ZNF536: variants seen among roughly 807,000 people sequenced by gnomAD.
ZNF536 encodes zinc finger protein 536.
ZNF536 carries 13 observed loss-of-function variants against 84.5 expected under a neutral mutation model. The observed-to-expected ratio is 0.15, with a 90% CI of 0.10 to 0.24. The LOEUF is 0.24. Among genes scored for constraint, ZNF536 ranks in the 10% least tolerant of loss-of-function variants. The pLI is 1.00. For missense variants in ZNF536, 1,536 were observed against 1,747.5 expected, an observed-to-expected ratio of 0.88 and a Z score of 2.16; for synonymous variants, 811 against 742.5, an observed-to-expected ratio of 1.09 and a Z score of -1.50.
chr19:30,286,458 G>A (rs2045629798), intron 2 of ZNF536, among the ~76,000 whole-genome samples: 1 of 151,960 alleles, frequency 6.6e-6, no homozygotes, highest in Non-Finnish European at 1.5e-5. Flanking sequence ...TAGAGGGTGG[G>A]GGAGCAAGGA....
intron 1 of ZNF536, among the ~76,000 whole-genome samples, chr19:30,645,183 T>C (rs970006796): frequency 1.3e-5 from 2 of 152,240 alleles, no homozygotes; most frequent in African/African-American, 4.8e-5. Flanking sequence ...GAAATGTCTG[T>C]TCATATCCTT....
upstream of ZNF536, among the ~76,000 whole-genome samples, chr19:30,226,244 G>C (rs778937855): frequency 1.3e-3 from 193 of 152,218 alleles, 1 homozygote; most frequent in Non-Finnish European, 5.4e-4. This position sits in a 1 kb window ranked among gnomAD's most constrained non-coding sequence, Gnocchi z 4.6. Flanking sequence ...AAAAGGGGAG[G>C]GGGTAGGCTG....
chr19:30,366,081 A>C (rs1341828007), intron 3 of ZNF536, among the ~76,000 whole-genome samples: 1 of 152,126 alleles, frequency 6.6e-6, no homozygotes, highest in East Asian at 1.9e-4. Context: ...CGAACCCCTG[A>C]GGAAGCCCCA....
At chr19:30,520,207 T>A (rs546630903) in intron 2 of ZNF536, among the ~76,000 whole-genome samples, 1 of 152,322 alleles carries the variant, frequency 6.6e-6, no homozygotes, top group South Asian at 2.1e-4. Context: ...AGGAAACATT[T>A]CTTAGATCTC....
chr19:30,709,673 T>G (rs1433452704), intron 1 of ZNF536, among the ~76,000 whole-genome samples: 1 of 152,230 alleles, frequency 6.6e-6, no homozygotes, highest in Admixed American at 6.5e-5. Context: ...TTGTCCAGGC[T>G]GTAGTGCACT....
At chr19:30,334,355 C>G (rs2047311466) in intron 2 of ZNF536, among the ~76,000 whole-genome samples, 1 of 152,094 alleles carries the variant, frequency 6.6e-6, no homozygotes, top group South Asian at 2.1e-4. Flanking sequence ...CTTACCAACC[C>G]CTGAAACTCA....
chr19:30,286,750 C>T (rs367591885), intron 2 of ZNF536, among the ~76,000 whole-genome samples: 14 of 152,250 alleles, frequency 9.2e-5, no homozygotes, highest in East Asian at 1.9e-4. Flanking sequence ...AATCTTGATA[C>T]GTGTGCACCC....
chr19:30,339,607 G>A (rs1285632917), intron 2 of ZNF536, among the ~76,000 whole-genome samples: 6 of 152,198 alleles, frequency 3.9e-5, no homozygotes, highest in Non-Finnish European at 1.5e-5. Context: ...ATGGTCCCTG[G>A]GCTGGGATGG....
intron 1 of ZNF536, among the ~76,000 whole-genome samples, chr19:30,641,259 A>G (rs2049257178): frequency 6.6e-6 from 1 of 152,224 alleles, no homozygotes; most frequent in African/African-American, 2.4e-5. Flanking sequence ...AAGAAAAGCA[A>G]ATTCTATTTT....
chr19:30,470,083 T>G (rs931514959), intron 2 of ZNF536, among the ~76,000 whole-genome samples: 23 of 152,274 alleles, frequency 1.5e-4, no homozygotes, highest in African/African-American at 5.5e-4. Context: ...TCCTCCCAGG[T>G]GAGTCCTGAG....
At chr19:30,504,219 C>T (rs2055064290) in intron 2 of ZNF536, among the ~76,000 whole-genome samples, 1 of 149,154 alleles carries the variant, frequency 6.7e-6, no homozygotes, top group African/African-American at 2.5e-5. Flanking sequence ...CCTTCCTTCC[C>T]TTCTTCTTTC....
At chr19:30,371,691 AG>A (rs1343059961), upstream of ZNF536, among the ~76,000 whole-genome samples, 1 of 150,810 alleles carries the variant, frequency 6.6e-6, no homozygotes, top group Non-Finnish European at 1.5e-5. Flanking sequence ...AGGGGAAAGG[AG>A]GGGGCATTGC....
chr19:30,262,109 G>A (rs1261657919), intron 1 of ZNF536, among the ~76,000 whole-genome samples: 1 of 152,208 alleles, frequency 6.6e-6, no homozygotes, highest in East Asian at 1.9e-4. Context: ...GGTTTAGGTG[G>A]CGATGGTGGT....
Position 30,664,207 on chromosome 19 carries a change from TCTCTCTCTCTCTCTCTCTC to T in ZNF536, c.170-46549_170-46531del, listed in dbSNP as rs2050227465. Among the ~76,000 whole-genome samples, 4 of 4,744 alleles carry T rather than the reference TCTCTCTCTCTCTCTCTCTC, an allele frequency of 8.4e-4. No individual in the cohort carries two copies. The Admixed American group carries it at 8.5e-3, about 10-fold the overall frequency. 3.1% of individuals were successfully genotyped at this position (4,744 alleles called of 152,430 possible). Reference sequence around the variant, plus strand: ...CTAGAGGAATTCTTGCTGAGTTTTCTCTCTCTCTCTCTCTCTCTCTCTCTCTCTCTCTCTCTCTCTCTCT... The same window carrying T: ...CTAGAGGAATTCTTGCTGAGTTTTCTTCTCTCTCTCTCTCTCTCTCTCTCT... On this transcript the variant is annotated intron_variant, in intron 1 of 1. Transcript: ENST00000592773.
chr19:30,679,234 T>C (rs554890699), intron 1 of ZNF536, among the ~76,000 whole-genome samples: 2 of 152,338 alleles, frequency 1.3e-5, no homozygotes, highest in South Asian at 4.1e-4. Flanking sequence ...TTAATCCATC[T>C]GTGCGGTGGA....
chr19:30,430,211 C>T (rs186352400), intron 1 of ZNF536, among the ~76,000 whole-genome samples: 4 of 152,340 alleles, frequency 2.6e-5, no homozygotes, highest in Admixed American at 6.5e-5. Context: ...CCGGCATCCC[C>T]GCTTTCTCCC....
chr19:30,697,911 C>T (rs899343487), intron 1 of ZNF536, among the ~76,000 whole-genome samples: 1 of 152,182 alleles, frequency 6.6e-6, no homozygotes, highest in Non-Finnish European at 1.5e-5. Context: ...TTGGTTTCTT[C>T]CTGTTCACAG....
intron 1 of ZNF536, among the ~76,000 whole-genome samples, chr19:30,394,708 C>T (rs1204750005): frequency 2.0e-5 from 3 of 152,160 alleles, no homozygotes; most frequent in African/African-American, 7.2e-5. Context: ...CTTTTCTACT[C>T]CCAGTTCAGC....
chr19:30,571,332 G>C (rs1036463304), intron 1 of ZNF536, among the ~76,000 whole-genome samples: 1 of 152,112 alleles, frequency 6.6e-6, no homozygotes, highest in African/African-American at 2.4e-5. Flanking sequence ...GGCTTTTGCA[G>C]GTCTGCTCGG....
Sources: allele counts gnomAD v4.1 joint callset (sites outside exome capture counted in the v4.1 genomes callset), GRCh38; gene constraint gnomAD v4.1.1; non-coding constraint Gnocchi (gnomAD v3.1); transcripts MANE v1.5; gene names NCBI Gene and HGNC (gene_info 2026-07-23, HGNC 2026-07-21).